The following ABCA13 variants were observed in gnomAD, a reference collection of about 807,000 sequenced individuals.
The protein encoded by ABCA13 is ATP-binding cassette sub-family A member 13.
ABCA13 carries 476 observed loss-of-function variants against 478.7 expected under a neutral mutation model. That is an observed-to-expected ratio of 0.99 (90% confidence interval 0.92 to 1.07). ABCA13 has a LOEUF of 1.07. Among genes scored for constraint, ABCA13 ranks in the 50% least tolerant of loss-of-function variants. ABCA13 has a pLI of 0.00. For synonymous variants in ABCA13, 2,252 were observed against 2,158.9 expected (o/e 1.04, Z -1.20); for missense variants, 6,060 against 5,910.6 (o/e 1.03, Z -0.83).
At chr7:48,448,715 C>G (rs558755287) in intron 42 of ABCA13, among the ~76,000 whole-genome samples, 2 of 152,128 alleles carry the variant, frequency 1.3e-5, no homozygotes, top group East Asian at 3.9e-4. Context: ...GATAAAGTAT[C>G]ACATAAATTG....
chr7:48,213,453 T>C (rs1469213423), intron 3 of ABCA13, among the ~76,000 whole-genome samples: 1 of 152,210 alleles, frequency 6.6e-6, no homozygotes. Context: ...TAAAAAATGC[T>C]CATGATCATC....
chr7:48,607,533 G>T (rs1251661321), intron 58 of ABCA13, among the ~76,000 whole-genome samples: 1 of 152,066 alleles, frequency 6.6e-6, no homozygotes, highest in Non-Finnish European at 1.5e-5. Context: ...CTTGGTTTTC[G>T]TTAGTTCTTT....
At chr7:48,467,657 A>G (rs1827031259) in intron 44 of ABCA13, among the ~76,000 whole-genome samples, 1 of 152,240 alleles carries the variant, frequency 6.6e-6, no homozygotes, top group Admixed American at 6.5e-5. Flanking sequence ...TGTAGGAACC[A>G]AAATTAATAC....
intron 15 of ABCA13, among the ~76,000 whole-genome samples, chr7:48,264,896 A>T (rs758026915): frequency 2.0e-5 from 3 of 151,626 alleles, no homozygotes; most frequent in Non-Finnish European, 4.4e-5. Context: ...TATTTTTTCT[A>T]TGAGTTTAAT....
chr7:48,233,916 T>A, intron 7 of ABCA13, 102 bp from the exon 8 acceptor site: 1 of 1,357,490 alleles, frequency 7.4e-7, no homozygotes, highest in South Asian at 1.4e-5. Flanking sequence ...CTTCATTTGC[T>A]CTTCCTTTAG....
chr7:48,345,452 G>A (rs1807924683), intron 29 of ABCA13, among the ~76,000 whole-genome samples: 1 of 152,118 alleles, frequency 6.6e-6, no homozygotes, highest in Admixed American at 6.5e-5. Context: ...GGAAAAAAGT[G>A]ATATTGATGA....
chr7:48,538,361 A>G (rs759351237), intron 55 of ABCA13, among the ~76,000 whole-genome samples: 7 of 152,034 alleles, frequency 4.6e-5, no homozygotes, highest in Admixed American at 1.3e-4. Flanking sequence ...TCGACCTCCC[A>G]AAGAGCTGGG....
At chr7:48,456,785 G>A (rs2129797629) in intron 43 of ABCA13, among the ~76,000 whole-genome samples, 1 of 150,696 alleles carries the variant, frequency 6.6e-6, no homozygotes, top group South Asian at 2.1e-4. Context: ...TCTTTTTGGG[G>A]GCATATAAAG....
At chr7:48,205,062 C>A (rs1368915708) in intron 3 of ABCA13, among the ~76,000 whole-genome samples, 1 of 152,220 alleles carries the variant, frequency 6.6e-6, no homozygotes, top group Non-Finnish European at 1.5e-5. Context: ...CTAGGCATGT[C>A]TCTTGATGGA....
intron 59 of ABCA13, among the ~76,000 whole-genome samples, chr7:48,617,556 C>T (rs1272461479): frequency 6.6e-6 from 1 of 152,046 alleles, no homozygotes; most frequent in Non-Finnish European, 1.5e-5. Context: ...CTACAGAAAT[C>T]CCACAGAGGG....
intron 48 of ABCA13, among the ~76,000 whole-genome samples, chr7:48,501,580 G>T (rs1830747208): frequency 6.6e-6 from 1 of 152,168 alleles, no homozygotes; most frequent in African/African-American, 2.4e-5. Context: ...GAGAGAGGCA[G>T]CCACTGTAGT....
chr7:48,229,996 T>C, intron 7 of ABCA13, 41 bp downstream of exon 7: 1 of 1,579,418 alleles, frequency 6.3e-7, no homozygotes, highest in Non-Finnish European at 8.6e-7. Context: ...TCAAAACGTT[T>C]AACTACTTAA....
Position 48,516,789 on chromosome 7 carries a change from A to G in ABCA13, c.13705A>G (p.Ile4569Val), listed in dbSNP as rs778562949. The G allele has an allele frequency of 3.7e-6, 6 of 1,613,674 alleles. No homozygotes were observed. The African/African-American group carries it at 6.7e-5, about 18-fold the overall frequency. Residue 4569 changes from isoleucine (I) to valine (V), a missense_variant, in exon 52 of 62, where the codon ATT becomes GTT. Physicochemically the swap from Ile to Val is conservative, Grantham distance 29. This residue lies in a region of ABCA13 where 1,627 missense variants were observed against 1,571.0 expected (regional missense o/e 1.04). Coordinates refer to ENST00000435803, the MANE Select transcript of ABCA13 (RefSeq NM_152701.5). ...RIFSSSDVAF[I>V]SYVSLNFIFG... ...CTTTTCCAGTTCGGACGTGGCTTTCATTTCCTATGTCTCACTAAACTTCAT... is the reference window on the plus strand; with the variant it reads ...CTTTTCCAGTTCGGACGTGGCTTTCGTTTCCTATGTCTCACTAAACTTCAT...
chr7:48,563,371 A>C (rs1291190755), intron 55 of ABCA13, among the ~76,000 whole-genome samples: 1 of 152,192 alleles, frequency 6.6e-6, no homozygotes, highest in East Asian at 1.9e-4. Context: ...GTTAAAGGCT[A>C]GGGTGGAAAA....
chr7:48,511,289 A>T (rs1489000399), intron 51 of ABCA13, 90 bp downstream of exon 51: 5 of 1,031,196 alleles, frequency 4.8e-6, no homozygotes, highest in Non-Finnish European at 7.1e-6. Context: ...TGTCGACTTC[A>T]TGATTTCCTC....
intron 29 of ABCA13, among the ~76,000 whole-genome samples, chr7:48,341,440 G>T (rs1409979106): frequency 2.6e-5 from 4 of 152,020 alleles, no homozygotes; most frequent in African/African-American, 9.7e-5. Flanking sequence ...GTCATGTTTT[G>T]TGGGTTCATA....
chr7:48,363,952 C>T (rs779695060), intron 31 of ABCA13, among the ~76,000 whole-genome samples: 48 of 152,236 alleles, frequency 3.2e-4, no homozygotes, highest in African/African-American at 1.1e-3. Flanking sequence ...CCAACTTTTT[C>T]GCATGGGTTT....
chr7:48,595,000 A>G (rs1389312561), intron 58 of ABCA13, among the ~76,000 whole-genome samples, 187 bp downstream of exon 58: 4 of 152,240 alleles, frequency 2.6e-5, no homozygotes, highest in Non-Finnish European at 5.9e-5. Context: ...ATTACGTTAT[A>G]TAACCAAGTT....
chr7:48,645,584 C>A lies in ABCA13; in HGVS notation c.*72C>A. On this transcript the variant is annotated 3_prime_UTR_variant, in exon 62 of 62. Coordinates refer to ENST00000435803, the MANE Select transcript of ABCA13 (RefSeq NM_152701.5). ...AATTAACAGTCAAGGATAAAACAAG[C>A]ACGCGCACAATCAAGGAGCTGGAAC... 2 of 1,250,436 alleles carry A rather than the reference C, an allele frequency of 1.6e-6. No homozygotes were observed. The highest frequency in any genetic ancestry group is 1.5e-5 in the African/African-American group (1 of 66,412). 77.5% of individuals were successfully genotyped at this position (1,250,436 alleles called of 1,614,324 possible).
Sources: gnomAD v4.1 joint callset for allele counts (sites outside exome capture counted in the v4.1 genomes callset) on GRCh38, gnomAD v4.1.1 for gene constraint, gnomAD v4.1.1 regional missense constraint, MANE v1.5 for transcripts, NCBI Gene and HGNC (gene_info 2026-07-23, HGNC 2026-07-21) for gene names.